LARGE1: variants seen among roughly 807,000 people sequenced by gnomAD.
LARGE1 encodes LARGE xylosyl- and glucuronyltransferase 1.
A neutral mutation model predicts 87.6 loss-of-function variants in LARGE1; 43 were observed. That is an observed-to-expected ratio of 0.49 (90% CI 0.38 to 0.63). The LOEUF is 0.63. LARGE1 is among the 30% of genes least tolerant of loss of function. The pLI, the probability that LARGE1 is intolerant of heterozygous loss-of-function variation, is 0.00. For missense variants in LARGE1, 802 were observed against 1,000.2 expected (o/e 0.80, Z 2.67); for synonymous variants, 434 against 394.6 (o/e 1.10, Z -1.18).
intron 10 of LARGE1, among the ~76,000 whole-genome samples, chr22:33,337,186 G>C (rs1367699863): frequency 1.3e-5 from 2 of 152,104 alleles, no homozygotes; most frequent in Admixed American, 6.5e-5. Context: ...CGGTGACTTA[G>C]TACCTACCTA....
intron 9 of LARGE1, among the ~76,000 whole-genome samples, chr22:33,362,505 A>G (rs2064423799): frequency 6.7e-6 from 1 of 149,474 alleles, no homozygotes; most frequent in South Asian, 2.2e-4. Flanking sequence ...ACTTAGCACA[A>G]AGTTCTCCAT....
chr22:33,821,996 ATTTAGTT>A (rs893986519), intron 1 of LARGE1, among the ~76,000 whole-genome samples: 2 of 134,512 alleles, frequency 1.5e-5, no homozygotes, highest in African/African-American at 5.8e-5. Context: ...TTGCGGGTAT[ATTTAGTT>A]TTAACTAAGT....
intron 7 of LARGE1, 65 bp downstream of exon 7, chr22:33,432,096 C>G: frequency 7.7e-7 from 1 of 1,299,792 alleles, no homozygotes; most frequent in Non-Finnish European, 1.1e-6. Flanking sequence ...TCCTCTCCTG[C>G]GGAAGGAGCA....
chr22:33,116,995 G>A, the LARGE1 span, among the ~76,000 whole-genome samples: 2 of 152,144 alleles, frequency 1.3e-5, no homozygotes, highest in African/African-American at 4.8e-5. Flanking sequence ...AAGGTGGAGG[G>A]CCCCAGGAAA....
At chr22:33,217,458 A>G (rs190847980) in intron 11 of LARGE1, among the ~76,000 whole-genome samples, 216 of 152,314 alleles carry the variant, frequency 1.4e-3, no homozygotes, top group African/African-American at 4.9e-3. Context: ...GGCAGCACAG[A>G]TTAGTCTCCC....
At chr22:33,296,565 TTTTC>T (rs1156748131) in intron 12 of LARGE1, among the ~76,000 whole-genome samples, 5 of 143,934 alleles carry the variant, frequency 3.5e-5, no homozygotes, top group African/African-American at 8.2e-5. Context: ...TTCTTTTTTC[TTTTC>T]TTTTTTTTTT....
chr22:33,634,990 C>T (rs946063216), intron 3 of LARGE1, among the ~76,000 whole-genome samples: 1 of 151,980 alleles, frequency 6.6e-6, no homozygotes, highest in Non-Finnish European at 1.5e-5. Flanking sequence ...CAGTGGCGGG[C>T]ACCTGTAATC....
chr22:33,543,780 A>G (rs1197566007), intron 6 of LARGE1, among the ~76,000 whole-genome samples: 2 of 152,242 alleles, frequency 1.3e-5, no homozygotes, highest in African/African-American at 4.8e-5. Flanking sequence ...CCTCTCAGAC[A>G]AACTGACTGT....
At chr22:33,809,766 C>G (rs1432862406) in intron 1 of LARGE1, among the ~76,000 whole-genome samples, 1 of 151,972 alleles carries the variant, frequency 6.6e-6, no homozygotes, top group Non-Finnish European at 1.5e-5. Flanking sequence ...TTATAGTTTT[C>G]CATACTAAAT....
chr22:33,156,279 A>G, the LARGE1 span, among the ~76,000 whole-genome samples: 2 of 152,120 alleles, frequency 1.3e-5, no homozygotes, highest in African/African-American at 2.4e-5. Flanking sequence ...GTGCTTCTGG[A>G]AAAACCACAG....
exon 12 of LARGE1, chr22:33,165,951 A>G (rs915720813): frequency 4.6e-5 from 7 of 152,224 alleles, no homozygotes; most frequent in African/African-American, 1.7e-4. Flanking sequence ...CAAAACAGGT[A>G]CATAGAGGAG....
chr22:33,508,270 A>G (rs551870808), intron 6 of LARGE1, among the ~76,000 whole-genome samples: 177 of 152,294 alleles, frequency 1.2e-3, no homozygotes, highest in African/African-American at 4.2e-3. Context: ...CACCCTGGGC[A>G]AGGCACAGGG....
At chr22:33,617,702 T>A (rs2079621523) in intron 4 of LARGE1, among the ~76,000 whole-genome samples, 1 of 152,164 alleles carries the variant, frequency 6.6e-6, no homozygotes, top group Admixed American at 6.5e-5. Context: ...GCAACCCACA[T>A]ATTGCTGCAG....
At chr22:33,885,734 G>A (rs1330589010) in intron 1 of LARGE1, among the ~76,000 whole-genome samples, 1 of 152,200 alleles carries the variant, frequency 6.6e-6, no homozygotes, top group East Asian at 1.9e-4. Context: ...TCTCATAAAA[G>A]ATCATAAAAG....
chr22:33,283,145 C>T, intron 13 of LARGE1, 57 bp downstream of exon 13: 1 of 1,609,588 alleles, frequency 6.2e-7, no homozygotes, highest in South Asian at 1.1e-5. Flanking sequence ...ATCTGGGTTT[C>T]CCAGGAGAAA....
intron 11 of LARGE1, among the ~76,000 whole-genome samples, chr22:33,194,994 T>G (rs1923990991): frequency 6.6e-6 from 1 of 152,226 alleles, no homozygotes; most frequent in African/African-American, 2.4e-5. Flanking sequence ...CCCAAGGTTT[T>G]TCAGCTTGCT....
At chr22:33,133,443 T>C in the LARGE1 span, among the ~76,000 whole-genome samples, 1 of 152,142 alleles carries the variant, frequency 6.6e-6, no homozygotes, top group Non-Finnish European at 1.5e-5. Flanking sequence ...GGTTTTCTGA[T>C]CTTGTGACAG....
At chr22:33,748,594 A>C (rs2084190452) in intron 2 of LARGE1, among the ~76,000 whole-genome samples, 1 of 152,198 alleles carries the variant, frequency 6.6e-6, no homozygotes, top group Admixed American at 6.5e-5. Context: ...AATTTGCGGT[A>C]AGAGAGGTTA....
chr22:33,847,092 G>A (rs919001019), intron 1 of LARGE1, among the ~76,000 whole-genome samples: 6 of 152,150 alleles, frequency 3.9e-5, no homozygotes, highest in South Asian at 2.1e-4. Context: ...GGAACCTACC[G>A]ACATGTGATG....
Sources: allele counts gnomAD v4.1 joint callset (sites outside exome capture counted in the v4.1 genomes callset), GRCh38; gene constraint gnomAD v4.1.1; transcripts MANE v1.5; gene names NCBI Gene and HGNC (gene_info 2026-07-23, HGNC 2026-07-21).